The following SGCD variants were observed in gnomAD, a reference collection of about 807,000 sequenced individuals.
The protein encoded by SGCD is delta-sarcoglycan.
SGCD carries 18 observed loss-of-function variants against 36.6 expected under a neutral mutation model. That is an observed-to-expected ratio of 0.49 (90% CI 0.34 to 0.73). The LOEUF is 0.73. Ranked by LOEUF, SGCD falls within the 30% of genes least tolerant of loss-of-function variation. SGCD has a pLI of 0.01. For synonymous variants in SGCD, 133 were observed against 130.6 expected, an observed-to-expected ratio of 1.02 and a Z score of -0.12; for missense variants, 387 against 346.7, an observed-to-expected ratio of 1.12 and a Z score of -0.92.
chr5:156,643,376 A>G (rs1365065523), intron 6 of SGCD, among the ~76,000 whole-genome samples: 1 of 152,168 alleles, frequency 6.6e-6, no homozygotes, highest in East Asian at 1.9e-4. Context: ...AGTGGAGGAT[A>G]CTATATTATA....
chr5:156,393,441 T>A (rs1011356790), intron 3 of SGCD, among the ~76,000 whole-genome samples: 4 of 152,210 alleles, frequency 2.6e-5, no homozygotes, highest in Non-Finnish European at 4.4e-5. Context: ...AAACATACAG[T>A]TAAATAAATT....
At chr5:155,971,449 C>G (rs148810120) in intron 1 of SGCD, among the ~76,000 whole-genome samples, 1 of 152,190 alleles carries the variant, frequency 6.6e-6, no homozygotes, top group East Asian at 1.9e-4. Context: ...TTTTTATTCC[C>G]ATATAGCTGA....
chr5:156,409,687 T>G (rs1322157075), intron 3 of SGCD, among the ~76,000 whole-genome samples: 2 of 152,196 alleles, frequency 1.3e-5, no homozygotes, highest in African/African-American at 2.4e-5. Flanking sequence ...GTAATAGAAA[T>G]AGTAATTATA....
intron 1 of SGCD, among the ~76,000 whole-genome samples, chr5:155,873,636 T>A (rs1755705233): frequency 6.6e-6 from 1 of 152,158 alleles, no homozygotes; most frequent in African/African-American, 2.4e-5. Flanking sequence ...TCACAGTGTA[T>A]CCACGTAACC....
At chr5:156,034,382 A>G (rs1759436831) in intron 1 of SGCD, among the ~76,000 whole-genome samples, 1 of 152,194 alleles carries the variant, frequency 6.6e-6, no homozygotes. Flanking sequence ...AAGATATATT[A>G]TCATCATTAC....
At chr5:156,212,249 A>G (rs1412433192) in intron 3 of SGCD, among the ~76,000 whole-genome samples, 1 of 152,252 alleles carries the variant, frequency 6.6e-6, no homozygotes, top group Non-Finnish European at 1.5e-5. Context: ...ATCTAAATGT[A>G]TGCCATCTGC....
chr5:155,740,138 A>T, the SGCD span, among the ~76,000 whole-genome samples: 1 of 152,276 alleles, frequency 6.6e-6, no homozygotes, highest in South Asian at 2.1e-4. Flanking sequence ...TTGCTCTGTC[A>T]CTCAGGGTGG....
chr5:156,276,582 T>C (rs527549479), intron 3 of SGCD, among the ~76,000 whole-genome samples: 13 of 152,182 alleles, frequency 8.5e-5, no homozygotes, highest in Non-Finnish European at 1.8e-4. Flanking sequence ...TATAAGTATA[T>C]ATAGATTTAC....
chr5:156,494,609 G>A (rs1756097294), intron 3 of SGCD, among the ~76,000 whole-genome samples: 1 of 152,114 alleles, frequency 6.6e-6, no homozygotes, highest in South Asian at 2.1e-4. Flanking sequence ...AATATAAAAT[G>A]TAAATCAGCT....
intron 1 of SGCD, among the ~76,000 whole-genome samples, chr5:156,086,010 A>G (rs1581090313): frequency 6.6e-6 from 1 of 152,306 alleles, no homozygotes; most frequent in Non-Finnish European, 1.5e-5. Context: ...TTCCACCTTT[A>G]CTTATACTGT....
chr5:155,956,109 GT>G lies in SGCD; in HGVS notation c.-282+85701del, dbSNP rs751766262. Among the ~76,000 whole-genome samples, 283 of 116,714 alleles carry G rather than the reference GT, an allele frequency of 2.4e-3. 1 individual carries two copies. Among genetic ancestry groups the G allele is most frequent in the East Asian group, 0.013 (45 of 3,552 alleles). The allele number at this position is 116,714 out of a possible 152,430, so 76.6% of individuals were successfully genotyped here. On this transcript the variant is annotated intron_variant, in intron 1 of 9. Coordinates refer to the SGCD transcript ENST00000517913. ...CTGAAATTGCTTTCTTGCTCTTCTT[GT>G]TTTTTTTTTTTTTTTCCCACCTCTC...
At chr5:155,782,042 T>C in the SGCD span, among the ~76,000 whole-genome samples, 1 of 149,884 alleles carries the variant, frequency 6.7e-6, no homozygotes, top group Non-Finnish European at 1.5e-5. Context: ...TTTTTTTTTT[T>C]TGAGACAAAA....
intron 1 of SGCD, among the ~76,000 whole-genome samples, chr5:155,896,717 T>C (rs1428931737): frequency 1.3e-5 from 2 of 152,076 alleles, no homozygotes; most frequent in African/African-American, 2.4e-5. Flanking sequence ...AATAAGTCAG[T>C]CATTTTCAAA....
rs34250962 is a variant in SGCD at position 155,883,793 on chromosome 5, C to CAAAAAAA, written c.-282+13384_-282+13390dup. 4.3e-3 allele frequency among the ~76,000 whole-genome samples: 356 copies of CAAAAAAA among 83,098 alleles called. 1 individual carries two copies. The highest frequency in any genetic ancestry group is 9.4e-3 in the Middle Eastern group (1 of 106). 54.5% of individuals were successfully genotyped at this position (83,098 alleles called of 152,430 possible). ...AGGGTTACCACAAACCTTCAATTTG[C>CAAAAAAA]AAAAAAAAAAAAAAAAAAAAAGAAA... is the stretch of plus-strand genomic sequence containing the variant. On this transcript the variant is annotated intron_variant, in intron 1 of 9. Coordinates refer to the SGCD transcript ENST00000517913.
intron 1 of SGCD, among the ~76,000 whole-genome samples, chr5:156,019,291 A>G (rs1179303334): frequency 2.6e-5 from 4 of 152,210 alleles, no homozygotes; most frequent in African/African-American, 9.6e-5. Flanking sequence ...ATGCTACGCT[A>G]CTTCTAGGCT....
chr5:156,471,384 A>C (rs903778713), intron 3 of SGCD, among the ~76,000 whole-genome samples: 3 of 152,168 alleles, frequency 2.0e-5, no homozygotes, highest in Non-Finnish European at 2.9e-5. Flanking sequence ...AACTTACACT[A>C]CCAGATTTAG....
At chr5:156,412,300 A>G (rs542118470) in intron 3 of SGCD, among the ~76,000 whole-genome samples, 2 of 152,368 alleles carry the variant, frequency 1.3e-5, no homozygotes, top group South Asian at 4.1e-4. Context: ...CAAGAATTTC[A>G]AAGTGTAAAA....
At chr5:156,305,953 C>T (rs1478298915) in intron 3 of SGCD, among the ~76,000 whole-genome samples, 2 of 151,564 alleles carry the variant, frequency 1.3e-5, no homozygotes, top group African/African-American at 4.8e-5. Flanking sequence ...TTTGGAATGG[C>T]TGTATTTACC....
In SGCD at chr5:156,466,570, A is replaced by G. The variant is rs528793753; in HGVS notation, c.193-42031A>G. 5.3e-5 allele frequency among the ~76,000 whole-genome samples: 8 copies of G among 152,330 alleles called. No individual in the cohort carries two copies. The East Asian group carries it at 1.4e-3, about 26-fold the overall frequency. On this transcript the variant is annotated intron_variant, in intron 3 of 8. Transcript: ENST00000337851. The stretch of plus-strand genomic sequence containing the variant: ...GTGATTAAGAGTACACACTCTTTCC[A>G]GAGTCAGGCAAGAGCTGGATTTGGG...
Sources: allele counts gnomAD v4.1 joint callset (sites outside exome capture counted in the v4.1 genomes callset), GRCh38; gene constraint gnomAD v4.1.1; transcripts MANE v1.5; gene names NCBI Gene and HGNC (gene_info 2026-07-23, HGNC 2026-07-21).